The following SPATS2L variants were observed in gnomAD, a reference collection of about 807,000 sequenced individuals.
The protein encoded by SPATS2L is spermatogenesis associated serine rich 2 like.
Under a neutral mutation model 59.6 loss-of-function variants are expected in SPATS2L, and 30 were observed. The observed-to-expected ratio is 0.50, with a 90% CI of 0.38 to 0.68. The LOEUF is 0.68. Among genes scored for constraint, SPATS2L ranks in the 30% least tolerant of loss-of-function variants. SPATS2L has a pLI of 0.00. For missense variants in SPATS2L, 615 were observed against 700.0 expected (o/e 0.88, Z 1.37); for synonymous variants, 252 against 263.5 (o/e 0.96, Z 0.42).
chr2:200,336,173 A>G (rs1035980728), intron 2 of SPATS2L, among the ~76,000 whole-genome samples: 7 of 152,238 alleles, frequency 4.6e-5, no homozygotes, highest in Non-Finnish European at 8.8e-5. Context: ...CAGCCACGTT[A>G]TGAGTTAATG....
At chr2:200,396,487 T>C (rs951543271) in intron 3 of SPATS2L, among the ~76,000 whole-genome samples, 4 of 152,134 alleles carry the variant, frequency 2.6e-5, no homozygotes, top group African/African-American at 7.2e-5. Context: ...TTTTTAATTA[T>C]TTTTGAATAA....
At chr2:200,311,074 C>T (rs185908288) in intron 1 of SPATS2L, among the ~76,000 whole-genome samples, 34 of 152,278 alleles carry the variant, frequency 2.2e-4, no homozygotes, top group African/African-American at 5.5e-4. Flanking sequence ...ATAAATACAC[C>T]GATAAAATGA....
chr2:200,431,783 AC>A (rs1422993492), intron 6 of SPATS2L, among the ~76,000 whole-genome samples: 1 of 152,228 alleles, frequency 6.6e-6, no homozygotes, highest in Non-Finnish European at 1.5e-5. Flanking sequence ...CATAATGAAA[AC>A]TTTTGAATCC....
chr2:200,430,748 T>A (rs1402167708), intron 6 of SPATS2L, among the ~76,000 whole-genome samples: 1 of 149,508 alleles, frequency 6.7e-6, no homozygotes, highest in East Asian at 1.9e-4. Context: ...GACAGAGTCT[T>A]GCTCTGTCAC....
intron 2 of SPATS2L, among the ~76,000 whole-genome samples, chr2:200,354,089 C>T (rs534635571): frequency 3.9e-5 from 6 of 152,264 alleles, no homozygotes; most frequent in African/African-American, 9.6e-5. Context: ...TTATTTGCCT[C>T]GGTCTGTAAT....
chr2:200,456,658 A>G (rs889232687), intron 8 of SPATS2L, among the ~76,000 whole-genome samples: 2 of 152,246 alleles, frequency 1.3e-5, no homozygotes, highest in African/African-American at 4.8e-5. Context: ...TGCACACACC[A>G]CCATTCCACC....
rs1217645545 is a variant in SPATS2L at position 200,439,346 on chromosome 2, G to T, written c.652+18G>T. ...GAAAAGAGGTAAAGTGATTTCTTTT[G>T]CACAAATGATTCAACATATTTTGCA... On this transcript the variant is annotated intron_variant, in intron 7 of 12. Coordinates refer to ENST00000409140, the MANE Select transcript of SPATS2L (RefSeq NM_001100423.2). 6.3e-7 allele frequency: 1 copy of T among 1,595,130 alleles called. No individual in the cohort carries two copies. Among genetic ancestry groups the T allele is most frequent in the African/African-American group, 1.3e-5 (1 of 74,584 alleles).
chr2:200,416,310 G>T, intron 4 of SPATS2L, 69 bp from the exon 5 acceptor site: 10 of 683,270 alleles, frequency 1.5e-5, no homozygotes, highest in Non-Finnish European at 2.2e-5. Context: ...AAGATGGAAA[G>T]ACAGAGATGA....
Position 200,478,230 on chromosome 2 carries a change from T to G in SPATS2L, c.*199T>G, listed in dbSNP as rs1015748566. The G allele has an allele frequency of 2.1e-6, 1 of 487,506 alleles. No individual in the cohort carries two copies. Among genetic ancestry groups the G allele is most frequent in the Non-Finnish European group, 3.4e-6 (1 of 294,462 alleles). The allele number at this position is 487,506 out of a possible 1,614,324, so 30.2% of individuals were successfully genotyped here. A position where few individuals can be genotyped will look rare whatever the true frequency, so the allele number is the denominator to read the frequency against. Reference sequence around the variant, plus strand: ...TTCATGGCTTTGCTTGATCTGTTGATGCTTTCTCTCATCAAGACTTTGCAG... The same window carrying G: ...TTCATGGCTTTGCTTGATCTGTTGAGGCTTTCTCTCATCAAGACTTTGCAG... On this transcript the variant is annotated 3_prime_UTR_variant, in exon 13 of 13. Transcript: ENST00000409140.
chr2:200,368,152 G>C (rs2081321390), intron 2 of SPATS2L, among the ~76,000 whole-genome samples: 1 of 152,100 alleles, frequency 6.6e-6, no homozygotes. Flanking sequence ...AACTTCTCAG[G>C]GAGGCAGAGG....
At chr2:200,400,904 A>ATT (rs1411564645) in intron 3 of SPATS2L, among the ~76,000 whole-genome samples, 1 of 152,244 alleles carries the variant, frequency 6.6e-6, no homozygotes, top group African/African-American at 2.4e-5. Flanking sequence ...CATTATCTTT[A>ATT]ACTATTTGAA....
intron 8 of SPATS2L, among the ~76,000 whole-genome samples, chr2:200,455,637 T>C (rs1030798068): frequency 2.6e-5 from 4 of 152,124 alleles, no homozygotes; most frequent in South Asian, 2.1e-4. Flanking sequence ...AGGAATGTGG[T>C]TGATGATACT....
intron 2 of SPATS2L, among the ~76,000 whole-genome samples, chr2:200,387,409 C>G (rs772664904): frequency 6.6e-6 from 1 of 152,152 alleles, no homozygotes; most frequent in Non-Finnish European, 1.5e-5. Context: ...TGTCCAAATG[C>G]TTGTGTCAGT....
At chr2:200,383,892 A>C (rs1387743810) in intron 2 of SPATS2L, 1 of 1,001,696 alleles carries the variant, frequency 1.0e-6, no homozygotes, top group East Asian at 1.1e-4. Context: ...GTAATACCCA[A>C]GAACAGGAAA....
chr2:200,314,316 ACT>A (rs1359767519), intron 1 of SPATS2L, among the ~76,000 whole-genome samples: 1 of 151,546 alleles, frequency 6.6e-6, no homozygotes, highest in Non-Finnish European at 1.5e-5. Flanking sequence ...GTCTTTTCAG[ACT>A]CTCTTGAATC....
At chr2:200,427,784 A>G (rs948534992) in intron 6 of SPATS2L, among the ~76,000 whole-genome samples, 2 of 152,170 alleles carry the variant, frequency 1.3e-5, no homozygotes, top group African/African-American at 4.8e-5. Context: ...TTGTTTCCCC[A>G]AATTTTTGTT....
chr2:200,310,784 A>G (rs1010840165), intron 1 of SPATS2L, among the ~76,000 whole-genome samples: 1 of 152,194 alleles, frequency 6.6e-6, no homozygotes, highest in Non-Finnish European at 1.5e-5. Context: ...CTAAGATGAC[A>G]TGCTCATTTT....
intron 2 of SPATS2L, among the ~76,000 whole-genome samples, chr2:200,349,568 G>A (rs2080647392): frequency 6.6e-6 from 1 of 152,194 alleles, no homozygotes; most frequent in Admixed American, 6.5e-5. Context: ...AACCCAGGAG[G>A]CAGAGGTGGT....
chr2:200,471,089 C>G (rs1167979753), intron 11 of SPATS2L, among the ~76,000 whole-genome samples: 1 of 151,930 alleles, frequency 6.6e-6, no homozygotes, highest in Non-Finnish European at 1.5e-5. Flanking sequence ...GAACCTGGAC[C>G]CGGGAGGCAG....
Sources: allele counts gnomAD v4.1 joint callset (sites outside exome capture counted in the v4.1 genomes callset), GRCh38; gene constraint gnomAD v4.1.1; transcripts MANE v1.5; gene names NCBI Gene and HGNC (gene_info 2026-07-23, HGNC 2026-07-21).